The following SPAG16 variants were observed in gnomAD, a reference collection of about 807,000 sequenced individuals.
SPAG16 encodes sperm associated antigen 16.
SPAG16 carries 86 observed loss-of-function variants against 80.4 expected under a neutral mutation model. The observed-to-expected ratio is 1.07, with a 90% CI of 0.90 to 1.28. The LOEUF (loss-of-function observed/expected upper bound fraction) is 1.28, where lower values mean the gene tolerates loss of function less well. Among genes scored for constraint, SPAG16 ranks in the 50% most tolerant of loss-of-function variants. The pLI, the probability that SPAG16 is intolerant of heterozygous loss-of-function variation, is 0.00. For synonymous variants in SPAG16, 294 were observed against 265.9 expected (o/e 1.11, Z -1.03); for missense variants, 870 against 765.3 (o/e 1.14, Z -1.61).
chr2:213,947,651 A>T (rs904769349), intron 12 of SPAG16, among the ~76,000 whole-genome samples: 1 of 152,132 alleles, frequency 6.6e-6, no homozygotes, highest in Admixed American at 6.5e-5. Context: ...AATTTTTCCA[A>T]TACCATATGA....
intron 10 of SPAG16, among the ~76,000 whole-genome samples, chr2:213,517,561 A>G (rs1014257046): frequency 6.6e-6 from 1 of 152,206 alleles, no homozygotes; most frequent in Non-Finnish European, 1.5e-5. Context: ...TTCAAACTAT[A>G]TTATAAGGCT....
chr2:214,113,802 G>A (rs1014789402), intron 14 of SPAG16, among the ~76,000 whole-genome samples: 37 of 152,006 alleles, frequency 2.4e-4, no homozygotes, highest in African/African-American at 8.0e-4. Flanking sequence ...TGTTATTACC[G>A]ACCTTCTGAA....
At chr2:213,973,007 C>A (rs1157788891) in intron 12 of SPAG16, among the ~76,000 whole-genome samples, 1 of 152,064 alleles carries the variant, frequency 6.6e-6, no homozygotes, top group Non-Finnish European at 1.5e-5. Context: ...AAAAAAACAC[C>A]TCTCAGTGTT....
At chr2:213,539,364 A>G (rs574329201) in intron 10 of SPAG16, among the ~76,000 whole-genome samples, 5 of 152,304 alleles carry the variant, frequency 3.3e-5, no homozygotes, top group African/African-American at 1.2e-4. Flanking sequence ...CAATGTTTAA[A>G]TGCTCATTAA....
intron 15 of SPAG16, among the ~76,000 whole-genome samples, chr2:214,306,800 T>C (rs1332055512): frequency 6.6e-6 from 1 of 152,180 alleles, no homozygotes; most frequent in Non-Finnish European, 1.5e-5. Flanking sequence ...TGTATCAATA[T>C]TCATCAGGGA....
At chr2:214,197,041 A>T (rs532512336) in intron 15 of SPAG16, among the ~76,000 whole-genome samples, 1 of 152,012 alleles carries the variant, frequency 6.6e-6, no homozygotes. Context: ...TGGCCCTGGG[A>T]TATTCAGTTA....
At chr2:213,324,811 C>T (rs148754167) in intron 5 of SPAG16, among the ~76,000 whole-genome samples, 44 of 152,106 alleles carry the variant, frequency 2.9e-4, no homozygotes, top group East Asian at 1.9e-4. Context: ...ATGAACTGCT[C>T]GTACATATTC....
chr2:213,906,526 G>T (rs1345478791), intron 11 of SPAG16, among the ~76,000 whole-genome samples: 3 of 152,044 alleles, frequency 2.0e-5, no homozygotes, highest in African/African-American at 7.2e-5. Context: ...TCCTAAAATT[G>T]CAGAGAACAC....
At chr2:214,196,172 A>G (rs2057832557) in intron 15 of SPAG16, among the ~76,000 whole-genome samples, 1 of 152,036 alleles carries the variant, frequency 6.6e-6, no homozygotes, top group African/African-American at 2.4e-5. Flanking sequence ...GTGGAGATAT[A>G]GGACAGAAGG....
chr2:213,300,263 CCCT>C (rs1015146323), intron 3 of SPAG16, among the ~76,000 whole-genome samples: 18 of 152,132 alleles, frequency 1.2e-4, no homozygotes, highest in Non-Finnish European at 2.9e-5. Context: ...CTTCTCCCTT[CCCT>C]CCTCCTCCTT....
intron 4 of SPAG16, among the ~76,000 whole-genome samples, chr2:213,312,029 T>C (rs2063209375): frequency 6.6e-6 from 1 of 151,684 alleles, no homozygotes; most frequent in African/African-American, 2.4e-5. Context: ...GGGCCAAATC[T>C]GGCCTGCTTC....
chr2:214,353,221 A>G (rs1355340598), intron 15 of SPAG16, among the ~76,000 whole-genome samples: 1 of 152,120 alleles, frequency 6.6e-6, no homozygotes, highest in Non-Finnish European at 1.5e-5. Flanking sequence ...AACTTTACCA[A>G]AAGGCTAAAA....
chr2:213,978,664 A>C (rs766286092), intron 12 of SPAG16, among the ~76,000 whole-genome samples: 4 of 152,108 alleles, frequency 2.6e-5, no homozygotes, highest in African/African-American at 9.7e-5. Context: ...GGTACTAGGA[A>C]TCTTTGAGTA....
At chr2:214,388,459 C>T (rs1257219341) in intron 15 of SPAG16, among the ~76,000 whole-genome samples, 1 of 152,056 alleles carries the variant, frequency 6.6e-6, no homozygotes, top group African/African-American at 2.4e-5. Context: ...TTTACATCCT[C>T]CTGAAAATAA....
At chr2:213,468,081 T>G (rs1015261794) in intron 9 of SPAG16, among the ~76,000 whole-genome samples, 2 of 152,148 alleles carry the variant, frequency 1.3e-5, no homozygotes, top group African/African-American at 4.8e-5. Flanking sequence ...AGCTTCCTCC[T>G]GATACCAGGG....
intron 15 of SPAG16, among the ~76,000 whole-genome samples, chr2:214,352,525 C>G (rs1439100915): frequency 9.4e-6 from 1 of 106,914 alleles, no homozygotes; most frequent in East Asian, 2.3e-4. Flanking sequence ...ATTTGTCACA[C>G]AGATAATGCT....
Position 214,327,695 on chromosome 2 carries a change from AT to A in SPAG16, c.1721-82431del, listed in dbSNP as rs58069845. On this transcript the variant is annotated intron_variant, in intron 15 of 15. Coordinates refer to ENST00000331683, the MANE Select transcript of SPAG16 (RefSeq NM_024532.5). Reference sequence around the variant, plus strand: ...ATAATGTGCAGATTCTAGATATCAAATTTTTTTTTTTTTTGCATCCTCTCTT... The same window carrying A: ...ATAATGTGCAGATTCTAGATATCAAATTTTTTTTTTTTTGCATCCTCTCTT... Among the ~76,000 whole-genome samples the A allele has an allele frequency of 2.8e-3, 425 of 149,134 alleles. 2 individuals are homozygous for A. The highest frequency in any genetic ancestry group is 8.1e-3 in the African/African-American group (330 of 40,830).
At chr2:213,623,970 A>T (rs1464798528) in intron 10 of SPAG16, among the ~76,000 whole-genome samples, 3 of 152,158 alleles carry the variant, frequency 2.0e-5, no homozygotes, top group Non-Finnish European at 4.4e-5. Context: ...AAATTAATTA[A>T]GTTAAACACA....
intron 12 of SPAG16, among the ~76,000 whole-genome samples, chr2:213,979,508 G>A (rs1292691850): frequency 1.3e-5 from 2 of 152,100 alleles, no homozygotes; most frequent in Non-Finnish European, 2.9e-5. Flanking sequence ...AGTCAAAGGA[G>A]AAGCAGGAAC....
Sources: allele counts gnomAD v4.1 joint callset (sites outside exome capture counted in the v4.1 genomes callset), GRCh38; gene constraint gnomAD v4.1.1; transcripts MANE v1.5; gene names NCBI Gene and HGNC (gene_info 2026-07-23, HGNC 2026-07-21).